The following ZNF385D variants were observed in gnomAD, a reference collection of about 807,000 sequenced individuals.
ZNF385D encodes the protein zinc finger protein 385D.
In ZNF385D, 15 loss-of-function variants were observed where a neutral mutation model predicts 35.8. The observed-to-expected ratio is 0.42, with a 90% confidence interval of 0.28 to 0.64. The LOEUF is 0.64. Ranked by LOEUF, ZNF385D falls within the 30% of genes least tolerant of loss-of-function variation. The pLI is 0.23. For missense variants in ZNF385D, 474 were observed against 494.6 expected (o/e 0.96, Z 0.39); for synonymous variants, 212 against 186.8 (o/e 1.13, Z -1.10).
chr3:21,925,999 GA>G (rs1484443870), intron 3 of ZNF385D, among the ~76,000 whole-genome samples: 1 of 152,098 alleles, frequency 6.6e-6, no homozygotes, highest in African/African-American at 2.4e-5. Context: ...TAAAGATGCA[GA>G]AAATCTGGAT....
chr3:22,213,736 T>C (rs1697673999), intron 2 of ZNF385D, among the ~76,000 whole-genome samples: 1 of 152,028 alleles, frequency 6.6e-6, no homozygotes. Flanking sequence ...CAAATTCTGT[T>C]CCTCAGTAAG....
intron 2 of ZNF385D, among the ~76,000 whole-genome samples, chr3:22,299,687 C>G (rs1006029546): frequency 4.0e-5 from 6 of 151,696 alleles, no homozygotes; most frequent in Admixed American, 6.6e-5. Flanking sequence ...AACAAACTCT[C>G]TGAAAAAGAA....
At chr3:21,471,119 G>T (rs953912992) in intron 4 of ZNF385D, among the ~76,000 whole-genome samples, 2 of 152,100 alleles carry the variant, frequency 1.3e-5, no homozygotes, top group South Asian at 2.1e-4. Context: ...GTTTGCCCAA[G>T]ATCAGACACA....
intron 3 of ZNF385D, among the ~76,000 whole-genome samples, chr3:21,768,762 G>C (rs1039393305): frequency 1.3e-5 from 2 of 151,850 alleles, no homozygotes; most frequent in Non-Finnish European, 2.9e-5. Context: ...CCATTGTTAC[G>C]AACCCACCGT....
intron 3 of ZNF385D, among the ~76,000 whole-genome samples, chr3:21,903,553 G>A (rs943202952): frequency 6.6e-6 from 1 of 152,152 alleles, no homozygotes; most frequent in African/African-American, 2.4e-5. Flanking sequence ...ACTTTTACAA[G>A]TTGATGGAAA....
At chr3:21,817,099 A>C (rs1439994439) in intron 3 of ZNF385D, among the ~76,000 whole-genome samples, 1 of 152,244 alleles carries the variant, frequency 6.6e-6, no homozygotes, top group Non-Finnish European at 1.5e-5. Flanking sequence ...TTCCCTATTT[A>C]ATAAATGGTG....
intron 3 of ZNF385D, among the ~76,000 whole-genome samples, chr3:21,773,761 CA>C (rs34517595): frequency 0.31 from 45,773 of 147,006 alleles, 7,713 homozygotes; most frequent in Middle Eastern, 0.48. Flanking sequence ...ATTAAAAAGT[CA>C]AAAAAAAAAC....
chr3:21,942,642 G>A (rs777508025), intron 3 of ZNF385D: 9 of 152,168 alleles, frequency 5.9e-5, no homozygotes, highest in Admixed American at 1.3e-4. Flanking sequence ...GTGGTAACAT[G>A]ATTGCTATAA....
At chr3:21,596,035 T>C (rs1256866229) in intron 2 of ZNF385D, among the ~76,000 whole-genome samples, 2 of 152,212 alleles carry the variant, frequency 1.3e-5, no homozygotes, top group African/African-American at 2.4e-5. Context: ...ATTTTTATTT[T>C]TCAGGTGGTA....
intron 1 of ZNF385D, among the ~76,000 whole-genome samples, chr3:21,682,564 A>G (rs1559514833): frequency 6.7e-6 from 1 of 150,200 alleles, no homozygotes; most frequent in East Asian, 2.0e-4. Flanking sequence ...GTCCTTTAAT[A>G]GAAATGAAAG....
At chr3:21,500,525 G>T (rs1706284700) in intron 4 of ZNF385D, among the ~76,000 whole-genome samples, 1 of 152,180 alleles carries the variant, frequency 6.6e-6, no homozygotes, top group Admixed American at 6.5e-5. Flanking sequence ...ATTTGTTCAT[G>T]TTTCTGTGCA....
chr3:21,422,364 TA>T (rs1443208965), intron 7 of ZNF385D, among the ~76,000 whole-genome samples: 2 of 152,236 alleles, frequency 1.3e-5, no homozygotes, highest in African/African-American at 4.8e-5. Context: ...TTTACTTTTT[TA>T]AACTTTTATT....
intron 2 of ZNF385D, among the ~76,000 whole-genome samples, chr3:21,628,505 ATT>A (rs200800594): frequency 1.4e-5 from 2 of 139,632 alleles, no homozygotes; most frequent in Non-Finnish European, 3.1e-5. Context: ...AAAAATCTAG[ATT>A]TTAAAAAAAT....
intron 3 of ZNF385D, among the ~76,000 whole-genome samples, chr3:21,783,060 G>A (rs2071552893): frequency 6.6e-6 from 1 of 152,034 alleles, no homozygotes; most frequent in South Asian, 2.1e-4. Context: ...CTTCACGATT[G>A]GTAACTGATC....
chr3:21,466,658 T>A (rs1403884640), intron 4 of ZNF385D, among the ~76,000 whole-genome samples: 1 of 152,176 alleles, frequency 6.6e-6, no homozygotes, highest in Non-Finnish European at 1.5e-5. Flanking sequence ...TATTTATGTC[T>A]AGTGAGTCCT....
Position 21,751,182 on chromosome 3 carries a change from G to A in ZNF385D, c.-266C>T. 2.9e-6 allele frequency: 4 copies of A among 1,384,150 alleles called. No homozygotes were observed. The highest frequency in any genetic ancestry group is 3.7e-6 in the Non-Finnish European group (4 of 1,068,152). 85.7% of individuals were successfully genotyped at this position (1,384,150 alleles called of 1,614,324 possible). A position where few individuals can be genotyped will look rare whatever the true frequency, so the allele number is the denominator to read the frequency against. ...CTGTAATCCGACTCCTCCTTGCGAT[G>A]TCCTTGCCGCGCCTGTGACATCAGG... On this transcript the variant is annotated 5_prime_UTR_variant, in exon 1 of 8. Coordinates refer to ENST00000281523, the MANE Select transcript of ZNF385D (RefSeq NM_024697.3).
intron 3 of ZNF385D, among the ~76,000 whole-genome samples, chr3:21,952,450 C>G (rs1702108320): frequency 6.6e-6 from 1 of 151,960 alleles, no homozygotes; most frequent in African/African-American, 2.4e-5. Flanking sequence ...AAGCCACAAC[C>G]TGATATCAGA....
chr3:22,045,630 C>T (rs1447232280), intron 3 of ZNF385D, among the ~76,000 whole-genome samples: 2 of 152,124 alleles, frequency 1.3e-5, no homozygotes, highest in African/African-American at 4.8e-5. Flanking sequence ...GTTTTACTCT[C>T]ATTTCTAGTG....
chr3:22,259,928 T>C (rs573974422), intron 2 of ZNF385D, among the ~76,000 whole-genome samples: 2 of 152,048 alleles, frequency 1.3e-5, no homozygotes, highest in African/African-American at 4.8e-5. Flanking sequence ...CCTGCATCCC[T>C]ACTTTCAATA....
Sources: allele counts gnomAD v4.1 joint callset (sites outside exome capture counted in the v4.1 genomes callset), GRCh38; gene constraint gnomAD v4.1.1; transcripts MANE v1.5; gene names NCBI Gene and HGNC (gene_info 2026-07-23, HGNC 2026-07-21).